The following GPR149 variants were observed in gnomAD, a reference collection of about 807,000 sequenced individuals.
GPR149 encodes G protein-coupled receptor 149, also known as probable G protein-coupled receptor 149.
GPR149 carries 50 observed loss-of-function variants against 50.2 expected under a neutral mutation model. That is an observed-to-expected ratio of 1.00 (90% CI 0.79 to 1.26). The LOEUF (loss-of-function observed/expected upper bound fraction) is 1.26. Among genes scored for constraint, GPR149 ranks in the 50% most tolerant of loss-of-function variants. The pLI is 0.00. For missense variants in GPR149, 983 were observed against 895.4 expected (o/e 1.10, Z -1.25); for synonymous variants, 405 against 358.2 (o/e 1.13, Z -1.48).
At chr3:154,345,679 G>C (rs1713909341) in intron 3 of GPR149, among the ~76,000 whole-genome samples, 1 of 152,092 alleles carries the variant, frequency 6.6e-6, no homozygotes, top group South Asian at 2.1e-4. Flanking sequence ...TGAATGTTTT[G>C]ATTTCTTCAC....
chr3:154,340,015 A>ATCTCCTGAC (rs757312320), intron 3 of GPR149, among the ~76,000 whole-genome samples: 1 of 151,226 alleles, frequency 6.6e-6, no homozygotes, highest in Non-Finnish European at 1.5e-5. Flanking sequence ...GATGGTCTCG[A>ATCTCCTGAC]TCTCCTGACC....
chr3:154,397,929 G>T (rs544029931), intron 3 of GPR149, among the ~76,000 whole-genome samples: 5 of 148,468 alleles, frequency 3.4e-5, no homozygotes, highest in African/African-American at 1.2e-4. Flanking sequence ...ATGGTTATAA[G>T]ATTTTTGTAA....
intron 3 of GPR149, among the ~76,000 whole-genome samples, chr3:154,350,830 T>C (rs1001941080): frequency 1.3e-5 from 2 of 152,194 alleles, no homozygotes; most frequent in Non-Finnish European, 2.9e-5. Context: ...CTTAAGTCCC[T>C]TATATAAAAT....
intron 3 of GPR149, among the ~76,000 whole-genome samples, chr3:154,379,929 A>T: frequency 6.6e-6 from 1 of 152,086 alleles, no homozygotes; most frequent in Middle Eastern, 3.4e-3. Flanking sequence ...TTGGGGATAT[A>T]TATGTGTATG....
At chr3:154,382,063 T>G (rs1714941038) in intron 3 of GPR149, among the ~76,000 whole-genome samples, 1 of 152,318 alleles carries the variant, frequency 6.6e-6, no homozygotes, top group African/African-American at 2.4e-5. Context: ...TGAGTCAATC[T>G]TAATACATAT....
intron 3 of GPR149, among the ~76,000 whole-genome samples, chr3:154,361,442 G>A (rs966264015): frequency 6.6e-6 from 1 of 152,170 alleles, no homozygotes; most frequent in African/African-American, 2.4e-5. Context: ...CTGATTGATA[G>A]TGCTTTTTCA....
intron 3 of GPR149, among the ~76,000 whole-genome samples, chr3:154,359,546 A>G (rs1025926202): frequency 2.6e-5 from 4 of 152,278 alleles, no homozygotes; most frequent in African/African-American, 9.6e-5. Context: ...ATGCTTGGCT[A>G]TGGGCCCACA....
chr3:154,344,791 T>C (rs1713883305), intron 3 of GPR149, among the ~76,000 whole-genome samples: 1 of 152,174 alleles, frequency 6.6e-6, no homozygotes, highest in African/African-American at 2.4e-5. Flanking sequence ...AGAGGGAGCA[T>C]GGTCTTCCCA....
Position 154,429,464 on chromosome 3 carries a change from C to T in GPR149, c.152G>A (p.Ser51Asn). The change falls in exon 1 of 4, where the codon AGC becomes AAC. Residue 51 changes from serine (S) to asparagine (N), a missense_variant. By Grantham distance (46) the Ser-to-Asn change is conservative (BLOSUM62 1). Coordinates refer to ENST00000389740, the MANE Select transcript of GPR149 (RefSeq NM_001038705.3). ...CAGCAGGGAAATTAGTGAATAAATG[C>T]TGCCCACCAAGGCTGCAAAAGTCAT... ...CLMTFAALVGSIYSLISLLKM... is the reference protein window; with the variant it reads ...CLMTFAALVGNIYSLISLLKM... 1 of 1,614,164 alleles carries T rather than the reference C, an allele frequency of 6.2e-7. No homozygotes were observed. The highest frequency in any genetic ancestry group is 8.5e-7 in the Non-Finnish European group (1 of 1,180,036).
At chr3:154,402,989 TGCAAGG>T (rs1289798430) in intron 3 of GPR149, among the ~76,000 whole-genome samples, 1 of 152,222 alleles carries the variant, frequency 6.6e-6, no homozygotes, top group Non-Finnish European at 1.5e-5. Flanking sequence ...ACATATTGAT[TGCAAGG>T]GCAACTAAGT....
chr3:154,428,703 T>G lies in GPR149; in HGVS notation c.913A>C (p.Ser305Arg), dbSNP rs775044477. 10 of 1,614,126 alleles carry G rather than the reference T, an allele frequency of 6.2e-6. No individual in the cohort carries two copies. The South Asian group carries it at 9.9e-5, about 16-fold the overall frequency. ...AAAGCGAAGCGCTTCTGCGCTACGC[T>G]CACGGTGAAGCTCCTGGTGCCATAG... ...TLYGTRSFTV[S>R]VAQKRFALIL... Residue 305 changes from serine to arginine, a missense_variant, in exon 1 of 4, where the codon AGC becomes CGC. Coordinates refer to ENST00000389740, the MANE Select transcript of GPR149 (RefSeq NM_001038705.3).
At chr3:154,392,938 C>T (rs941623267) in intron 3 of GPR149, among the ~76,000 whole-genome samples, 2 of 151,852 alleles carry the variant, frequency 1.3e-5, no homozygotes, top group African/African-American at 4.8e-5. Flanking sequence ...AAATAGTAAT[C>T]AAAAACTTCC....
chr3:154,386,513 A>G (rs922487370), intron 3 of GPR149, among the ~76,000 whole-genome samples: 4 of 152,208 alleles, frequency 2.6e-5, no homozygotes, highest in Admixed American at 2.0e-4. Flanking sequence ...TAAAAACAGA[A>G]GATCAGAGTT....
At chr3:154,347,539 A>G (rs962380140) in intron 3 of GPR149, among the ~76,000 whole-genome samples, 4 of 152,250 alleles carry the variant, frequency 2.6e-5, no homozygotes, top group African/African-American at 9.6e-5. Flanking sequence ...ATTCAAGATG[A>G]GATTTAGGTG....
chr3:154,381,423 T>G (rs1025354753), intron 3 of GPR149, among the ~76,000 whole-genome samples: 1 of 152,210 alleles, frequency 6.6e-6, no homozygotes, highest in Admixed American at 6.5e-5. Context: ...CTACAATATT[T>G]TTATCTGAGA....
intron 3 of GPR149, among the ~76,000 whole-genome samples, chr3:154,402,811 T>G (rs1559986029): frequency 1.3e-5 from 2 of 152,344 alleles, no homozygotes; most frequent in South Asian, 2.1e-4. Flanking sequence ...GTGTGGAACT[T>G]GAAAGCAGGA....
At chr3:154,364,153 G>A (rs1209628504) in intron 3 of GPR149, among the ~76,000 whole-genome samples, 1 of 152,118 alleles carries the variant, frequency 6.6e-6, no homozygotes, top group East Asian at 1.9e-4. Context: ...ACTCCCTCCT[G>A]CTTGCTGAAC....
At chr3:154,360,495 T>C (rs1714352929) in intron 3 of GPR149, among the ~76,000 whole-genome samples, 1 of 152,222 alleles carries the variant, frequency 6.6e-6, no homozygotes, top group Non-Finnish European at 1.5e-5. Context: ...TATCCCCATT[T>C]TACAGATGAG....
chr3:154,348,851 C>A (rs1319851837), intron 3 of GPR149, among the ~76,000 whole-genome samples: 1 of 152,060 alleles, frequency 6.6e-6, no homozygotes, highest in Non-Finnish European at 1.5e-5. Context: ...TGCCCATGAA[C>A]CATATACTGA....
Sources: gnomAD v4.1 joint callset for allele counts (sites outside exome capture counted in the v4.1 genomes callset) on GRCh38, gnomAD v4.1.1 for gene constraint, MANE v1.5 for transcripts, NCBI Gene and HGNC (gene_info 2026-07-23, HGNC 2026-07-21) for gene names.